ANKRD45: variants seen among roughly 807,000 people sequenced by gnomAD.
ANKRD45 encodes the protein ankyrin repeat domain-containing protein 45.
ANKRD45 carries 21 observed loss-of-function variants against 28.1 expected under a neutral mutation model. That is an observed-to-expected ratio of 0.75 (90% confidence interval 0.53 to 1.08). ANKRD45 has a LOEUF of 1.08. ANKRD45 is among the 50% of genes least tolerant of loss of function. The probability of loss-of-function intolerance (pLI) is 0.00; values close to 1 mark genes in which losing one functional copy is unlikely to be tolerated. For synonymous variants in ANKRD45, 86 were observed against 103.9 expected, an observed-to-expected ratio of 0.83 and a Z score of 1.05; for missense variants, 261 against 308.7, an observed-to-expected ratio of 0.85 and a Z score of 1.16.
intron 5 of ANKRD45, 28 bp downstream of exon 5, chr1:173,624,759 T>C (rs1558121969): frequency 6.3e-7 from 1 of 1,597,840 alleles, no homozygotes. Flanking sequence ...CCTTCTGACA[T>C]TCAAACCACC....
intron 4 of ANKRD45, 30 bp from the exon 5 acceptor site, chr1:173,624,955 C>G (rs1667864198): frequency 1.3e-6 from 2 of 1,584,160 alleles, no homozygotes; most frequent in Admixed American, 3.7e-5. Context: ...GTTTGCTCTC[C>G]ACTTATTTAT....
At chr1:173,708,478 T>C in the ANKRD45 span, among the ~76,000 whole-genome samples, 6 of 152,334 alleles carry the variant, frequency 3.9e-5, no homozygotes, top group South Asian at 2.1e-4. Flanking sequence ...TTGTCAGACA[T>C]TGACAATGCT....
At chr1:173,669,887 G>A (rs1467650909), upstream of ANKRD45, 1 of 169,518 alleles carries the variant, frequency 5.9e-6, no homozygotes, top group African/African-American at 2.4e-5. Flanking sequence ...CTCCTCCTGC[G>A]CCGCGGTTCC....
At chr1:173,644,393 T>C (rs1054684620) in intron 3 of ANKRD45, among the ~76,000 whole-genome samples, 1 of 152,238 alleles carries the variant, frequency 6.6e-6, no homozygotes, top group Non-Finnish European at 1.5e-5. Flanking sequence ...GTTGAGTTAT[T>C]TATGTTTCTG....
chr1:173,706,168 G>A, the ANKRD45 span, among the ~76,000 whole-genome samples: 4 of 151,670 alleles, frequency 2.6e-5, no homozygotes, highest in South Asian at 8.3e-4. Context: ...CTGGCATGGT[G>A]GCGTGCGCCT....
the ANKRD45 span, among the ~76,000 whole-genome samples, chr1:173,686,417 G>A: frequency 5.9e-5 from 9 of 152,262 alleles, no homozygotes; most frequent in African/African-American, 2.2e-4. Context: ...GGTGTGATGA[G>A]TCCATCCCCT....
At chr1:173,673,620 T>C, upstream of ANKRD45, among the ~76,000 whole-genome samples, 1 of 148,866 alleles carries the variant, frequency 6.7e-6, no homozygotes. Flanking sequence ...TAAGTTGCTA[T>C]AAGAAAGTGA....
intron 3 of ANKRD45, among the ~76,000 whole-genome samples, chr1:173,639,038 C>T (rs1023757025): frequency 6.6e-6 from 1 of 152,140 alleles, no homozygotes; most frequent in South Asian, 2.1e-4. Flanking sequence ...AGGAAGACTG[C>T]CCAATAATTA....
At chr1:173,707,229 A>AT in the ANKRD45 span, among the ~76,000 whole-genome samples, 219 of 148,332 alleles carry the variant, frequency 1.5e-3, 4 homozygotes, top group Admixed American at 0.01. Flanking sequence ...CCTAATTGTC[A>AT]TTTTTTTTTA....
chr1:173,614,049 T>C (rs1667350146), intron 5 of ANKRD45, among the ~76,000 whole-genome samples: 1 of 152,104 alleles, frequency 6.6e-6, no homozygotes, highest in African/African-American at 2.4e-5. Context: ...ATGTGCTTTG[T>C]TAAACAGATG....
At chr1:173,679,898 C>A in the ANKRD45 span, among the ~76,000 whole-genome samples, 1 of 152,174 alleles carries the variant, frequency 6.6e-6, no homozygotes, top group Non-Finnish European at 1.5e-5. Context: ...AGACACTTTT[C>A]AAAAGAAGAC....
intron 3 of ANKRD45, among the ~76,000 whole-genome samples, chr1:173,637,595 T>G (rs1354673301): frequency 6.6e-6 from 1 of 152,198 alleles, no homozygotes; most frequent in African/African-American, 2.4e-5. Flanking sequence ...AAGTTCTAAG[T>G]TGCTAGCCAA....
the ANKRD45 span, among the ~76,000 whole-genome samples, chr1:173,693,346 TTTG>T: frequency 6.6e-6 from 1 of 152,168 alleles, no homozygotes; most frequent in Non-Finnish European, 1.5e-5. Context: ...ACTATTCTAT[TTTG>T]TTATGTTATT....
At chr1:173,635,462 A>G (rs1248710352) in intron 3 of ANKRD45, 2 of 1,153,974 alleles carry the variant, frequency 1.7e-6, no homozygotes, top group Non-Finnish European at 2.4e-6. Flanking sequence ...TTATTTAGCT[A>G]ATTTAGCTAT....
intron 5 of ANKRD45, among the ~76,000 whole-genome samples, chr1:173,615,912 G>A (rs549736950): frequency 6.6e-6 from 1 of 152,158 alleles, no homozygotes; most frequent in South Asian, 2.1e-4. Flanking sequence ...GACCATCCTG[G>A]CTAACATGGT....
the ANKRD45 span, among the ~76,000 whole-genome samples, chr1:173,712,202 A>G: frequency 6.6e-6 from 1 of 152,234 alleles, no homozygotes; most frequent in South Asian, 2.1e-4. Context: ...ACCATTTTAT[A>G]CCCAACCAAT....
In ANKRD45 at chr1:173,610,063, C is replaced by A; in HGVS notation, c.*82G>T. The A allele has an allele frequency of 7.4e-7, 1 of 1,354,614 alleles. No individual in the cohort carries two copies. Among genetic ancestry groups the A allele is most frequent in the Non-Finnish European group, 1.0e-6 (1 of 954,970 alleles). 83.9% of individuals were successfully genotyped at this position (1,354,614 alleles called of 1,614,324 possible). Reference sequence around the variant, plus strand: ...CTTAAATACTTAAAGAAACCCACATCTGTTTTCTCGATTTCAAATGGCATG... The same window carrying A: ...CTTAAATACTTAAAGAAACCCACATATGTTTTCTCGATTTCAAATGGCATG... On this transcript the variant is annotated 3_prime_UTR_variant, in exon 6 of 6. Coordinates refer to ENST00000333279, the MANE Select transcript of ANKRD45 (RefSeq NM_198493.3).
At chr1:173,631,931 A>G (rs912412263) in intron 3 of ANKRD45, among the ~76,000 whole-genome samples, 2 of 152,050 alleles carry the variant, frequency 1.3e-5, no homozygotes, top group African/African-American at 4.8e-5. Context: ...CATCTTAAAG[A>G]ACTAGAAAAG....
chr1:173,632,536 A>T (rs548876252), intron 3 of ANKRD45, among the ~76,000 whole-genome samples: 1 of 151,590 alleles, frequency 6.6e-6, no homozygotes, highest in African/African-American at 2.4e-5. Context: ...ATCAAAAAAA[A>T]AAAAAACAAA....
Sources: allele counts gnomAD v4.1 joint callset (sites outside exome capture counted in the v4.1 genomes callset), GRCh38; gene constraint gnomAD v4.1.1; transcripts MANE v1.5; gene names NCBI Gene and HGNC (gene_info 2026-07-23, HGNC 2026-07-21).